FHL1: variants seen among roughly 807,000 people sequenced by gnomAD.
The protein encoded by FHL1 is four and a half LIM domains 1.
A neutral mutation model predicts 20.3 loss-of-function variants in FHL1; 1 was observed. The observed-to-expected ratio is 0.05, with a 90% confidence interval of 0.02 to 0.23. The LOEUF (loss-of-function observed/expected upper bound fraction) is 0.23. Ranked by LOEUF, FHL1 falls within the 10% of genes least tolerant of loss-of-function variation. The pLI is 1.00. For missense variants in FHL1, 177 were observed against 234.0 expected (o/e 0.76, Z 1.59); for synonymous variants, 82 against 88.9 (o/e 0.92, Z 0.44).
chrX:136,203,352 C>CT (rs1211576273), intron 1 of FHL1, among the ~76,000 whole-genome samples: 1 of 112,048 alleles, frequency 8.9e-6, no homozygotes, highest in East Asian at 2.8e-4. Context: ...GGTGGGGAAT[C>CT]TAAGGTGTAA....
chrX:136,197,805 C>T (rs1469631607), intron 1 of FHL1, among the ~76,000 whole-genome samples: 1 of 111,932 alleles, frequency 8.9e-6, no homozygotes, highest in Non-Finnish European at 1.9e-5. Flanking sequence ...GCTGAGGGGC[C>T]AAAAGCCCAG....
chrX:136,196,649 C>T, upstream of FHL1: 3 of 443,571 alleles, frequency 6.8e-6, no homozygotes, highest in Middle Eastern at 6.3e-4. Flanking sequence ...TAACATAAGT[C>T]TATCTCTTAG....
chrX:136,154,701 A>G (rs1004520709), intron 1 of FHL1, among the ~76,000 whole-genome samples: 6 of 111,104 alleles, frequency 5.4e-5, no homozygotes, highest in African/African-American at 1.6e-4. Flanking sequence ...TGTTGTTTTA[A>G]TCTGGCATCT....
At chrX:136,206,204 C>T (rs1319567308) in intron 1 of FHL1, 11 of 486,205 alleles carry the variant, frequency 2.3e-5, no homozygotes, top group Non-Finnish European at 3.2e-5. Context: ...TCTGGCCCCG[C>T]GGGGTGCTTT....
intron 1 of FHL1, among the ~76,000 whole-genome samples, chrX:136,149,057 C>G (rs1268467814): frequency 1.8e-5 from 2 of 112,467 alleles, no homozygotes; most frequent in African/African-American, 3.2e-5. Context: ...TAATTCTTCT[C>G]TGGGTTATCA....
upstream of FHL1, among the ~76,000 whole-genome samples, chrX:136,167,498 C>A (rs895766899): frequency 1.8e-5 from 2 of 111,475 alleles, no homozygotes; most frequent in African/African-American, 6.5e-5. Flanking sequence ...AGCCACCACA[C>A]CCAGCCAAAA....
In FHL1 at chrX:136,211,276, C is replaced by T. The variant is rs1276780192; in HGVS notation, c.*1251C>T. ...GGAGTGGTTAGAGAAGCTGATGCCTCATTTCTACATTCTGTCATTAGCTAT... is the reference window on the plus strand; with the variant it reads ...GGAGTGGTTAGAGAAGCTGATGCCTTATTTCTACATTCTGTCATTAGCTAT... On this transcript the variant is annotated 3_prime_UTR_variant, in exon 6 of 6. Coordinates refer to ENST00000370683, the MANE Select transcript of FHL1 (RefSeq NM_001159699.2). The T allele has an allele frequency of 3.1e-6, 1 of 326,889 alleles. No homozygotes were observed. Among genetic ancestry groups the T allele is most frequent in the South Asian group, 3.0e-5 (1 of 32,995 alleles). The allele number at this position is 326,889 out of a possible 1,213,427, so 26.9% of individuals were successfully genotyped here. A position where few individuals can be genotyped will look rare whatever the true frequency, so the allele number is the denominator to read the frequency against.
In FHL1 at chrX:136,207,910, C is replaced by T. The variant is rs145445372; in HGVS notation, c.498C>T (p.Cys166=). Reference sequence around the variant, plus strand: ...TCCCTAAAGGGGAGGACTTCTACTGCGTGACTTGCCATGAGACCAAGTTTG... The same window carrying T: ...TCCCTAAAGGGGAGGACTTCTACTGTGTGACTTGCCATGAGACCAAGTTTG... ...SFFPKGEDFY[C]VTCHETKFAK... is the part of the protein sequence containing the mutation. The change falls in exon 4 of 6, where the codon TGC becomes TGT. Residue 166 remains cysteine (C), a synonymous_variant. Coordinates refer to ENST00000370683, the MANE Select transcript of FHL1 (RefSeq NM_001159699.2). 7.9e-4 allele frequency: 957 copies of T among 1,210,957 alleles called. 3 individuals carry two copies. The East Asian group carries it at 0.014, about 18-fold the overall frequency.
At chrX:136,186,130 C>T (rs1404539088) in intron 2 of FHL1, among the ~76,000 whole-genome samples, 1 of 112,069 alleles carries the variant, frequency 8.9e-6, no homozygotes, top group Non-Finnish European at 1.9e-5. Flanking sequence ...TGCCACTAAT[C>T]CATCATGGTG....
At chrX:136,200,793 G>A (rs1459879017) in intron 1 of FHL1, among the ~76,000 whole-genome samples, 2 of 112,051 alleles carry the variant, frequency 1.8e-5, no homozygotes, top group African/African-American at 6.5e-5. Flanking sequence ...CTCATTTCTT[G>A]CCTCCTCAAG....
In FHL1 at chrX:136,206,125, A is replaced by G. The variant is rs17001989; in HGVS notation, c.23-282A>G. 3,264 of 411,915 alleles carry G rather than the reference A, an allele frequency of 7.9e-3. 71 individuals are homozygous for G. The highest frequency in any genetic ancestry group is 0.07 in the African/African-American group (2,800 of 40,159). 33.9% of individuals were successfully genotyped at this position (411,915 alleles called of 1,213,427 possible). A position where few individuals can be genotyped will look rare whatever the true frequency, so the allele number is the denominator to read the frequency against. ...TTGCCCCGCTCCGCATCTTTTGTGA[A>G]TCAGCACAGTTGATATATCTGAGCA... On this transcript the variant is annotated intron_variant, in intron 1 of 5. Transcript: ENST00000370683.
chrX:136,188,871 T>G (rs1463505518), intron 2 of FHL1, among the ~76,000 whole-genome samples: 1 of 111,573 alleles, frequency 9.0e-6, no homozygotes, highest in Non-Finnish European at 1.9e-5. Context: ...CCTCATCTCC[T>G]GAGCTGTAGA....
In FHL1 at chrX:136,206,998, T is replaced by G; in HGVS notation, c.205-18T>G. ...CAGCACCCCTCATGGTGGCCCACCC[T>G]GTCTGCTTGGTTTCCAGGAGGTGCA... On this transcript the variant is annotated intron_variant, in intron 2 of 5. Transcript: ENST00000370683. 3 of 1,210,398 alleles carry G rather than the reference T, an allele frequency of 2.5e-6. No homozygotes were observed. Among genetic ancestry groups the G allele is most frequent in the Non-Finnish European group, 3.4e-6 (3 of 895,247 alleles).
chrX:136,147,022 G>A (rs959873896), upstream of FHL1: 5 of 287,105 alleles, frequency 1.7e-5, no homozygotes, highest in Admixed American at 2.0e-4. Flanking sequence ...GGTTAGCGAG[G>A]ACCCCGGTGA....
At chrX:136,197,483 C>T (rs1342090015) in intron 1 of FHL1, among the ~76,000 whole-genome samples, 1 of 111,826 alleles carries the variant, frequency 8.9e-6, no homozygotes, top group Non-Finnish European at 1.9e-5. Flanking sequence ...AGATACAATT[C>T]TTCATCTTGA....
upstream of FHL1, among the ~76,000 whole-genome samples, chrX:136,166,591 G>T (rs2072716089): frequency 8.9e-6 from 1 of 111,814 alleles, no homozygotes; most frequent in Non-Finnish European, 1.9e-5. Context: ...AAGTGATTCC[G>T]GTTCTTGAAA....
exon 1 of FHL1, chrX:136,169,659 T>C (rs2072807030): frequency 3.5e-6 from 1 of 286,685 alleles, no homozygotes; most frequent in Non-Finnish European, 6.6e-6. Context: ...GTGTTTGAGC[T>C]AATACGGCTT....
At chrX:136,186,237 G>A (rs754087471) in intron 2 of FHL1, among the ~76,000 whole-genome samples, 75 of 111,131 alleles carry the variant, frequency 6.7e-4, no homozygotes, top group Non-Finnish European at 1.3e-3. Flanking sequence ...GTGGGTTTTG[G>A]TGCAAAGAGC....
chrX:136,182,674 C>T (rs1285833986), intron 2 of FHL1: 1 of 112,143 alleles, frequency 8.9e-6, no homozygotes, highest in Non-Finnish European at 1.9e-5. Context: ...CATTTCCAAG[C>T]AGTTTTTCTC....
Sources: allele counts gnomAD v4.1 joint callset (sites outside exome capture counted in the v4.1 genomes callset), GRCh38; gene constraint gnomAD v4.1.1; transcripts MANE v1.5; gene names NCBI Gene and HGNC (gene_info 2026-07-23, HGNC 2026-07-21).